The following NDST3 variants were observed in gnomAD, a reference collection of about 807,000 sequenced individuals.
NDST3 encodes the protein bifunctional heparan sulfate N-deacetylase/N-sulfotransferase 3.
In NDST3, 58 loss-of-function variants were observed where a neutral mutation model predicts 96.1. The ratio of observed to expected loss-of-function variants is 0.60; its 90% CI spans 0.49 to 0.75. NDST3 has a LOEUF of 0.75. Ranked by LOEUF, NDST3 falls within the 30% of genes least tolerant of loss-of-function variation. The pLI is 0.00. For synonymous variants in NDST3, 333 were observed against 359.7 expected (o/e 0.93, Z 0.84); for missense variants, 788 against 1,034.2 (o/e 0.76, Z 3.27).
At chr4:118,142,113 C>A in intron 5 of NDST3, among the ~76,000 whole-genome samples, 1 of 151,398 alleles carries the variant, frequency 6.6e-6, no homozygotes, top group African/African-American at 2.4e-5. Flanking sequence ...AATGCATTTG[C>A]ATTTAGTTGT....
At chr4:118,143,441 T>G in intron 5 of NDST3, 115 bp from the exon 6 acceptor site, 1 of 1,079,432 alleles carries the variant, frequency 9.3e-7, no homozygotes. Context: ...AGGCCCTGGT[T>G]AGACCTGAAT....
intron 4 of NDST3, among the ~76,000 whole-genome samples, chr4:118,115,308 AC>A (rs1327206527): frequency 1.3e-5 from 2 of 152,222 alleles, no homozygotes; most frequent in African/African-American, 4.8e-5. Context: ...AAAATGAAAT[AC>A]TTTTTCAAGA....
chr4:118,242,780 G>C (rs959281789), intron 12 of NDST3, among the ~76,000 whole-genome samples: 1 of 151,746 alleles, frequency 6.6e-6, no homozygotes, highest in African/African-American at 2.4e-5. Flanking sequence ...GATTTTCTTA[G>C]GTAACTGACT....
intron 1 of NDST3, among the ~76,000 whole-genome samples, chr4:118,037,934 T>C (rs1724239593): frequency 6.6e-6 from 1 of 152,190 alleles, no homozygotes; most frequent in Non-Finnish European, 1.5e-5. Flanking sequence ...ATTATTCGTT[T>C]CTACTCTTTT....
chr4:118,085,695 T>G (rs1728362954), intron 2 of NDST3, among the ~76,000 whole-genome samples: 1 of 152,152 alleles, frequency 6.6e-6, no homozygotes, highest in Non-Finnish European at 1.5e-5. Context: ...GGTTAGGTAG[T>G]GGCTTGTTGT....
intron 2 of NDST3, among the ~76,000 whole-genome samples, chr4:118,103,644 C>G (rs954802942): frequency 6.6e-6 from 1 of 152,130 alleles, no homozygotes; most frequent in African/African-American, 2.4e-5. Flanking sequence ...CCTCCTCCCC[C>G]ATCCAAACCG....
At chr4:118,118,673 T>C (rs567953218) in intron 4 of NDST3, among the ~76,000 whole-genome samples, 4 of 152,162 alleles carry the variant, frequency 2.6e-5, no homozygotes, top group East Asian at 1.9e-4. Context: ...GCTTTAGAGG[T>C]TGAATGGAAA....
At chr4:118,051,956 C>T (rs1560608284) in intron 1 of NDST3, among the ~76,000 whole-genome samples, 1 of 152,014 alleles carries the variant, frequency 6.6e-6, no homozygotes. Flanking sequence ...CAAATTCAGC[C>T]GCTATGGAAA....
chr4:118,237,836 T>G lies in NDST3; in HGVS notation c.2118+616T>G, dbSNP rs1217194053. On this transcript the variant is annotated intron_variant, in intron 10 of 13. Coordinates refer to ENST00000296499, the MANE Select transcript of NDST3 (RefSeq NM_004784.3). ...TATATAAGAATCTTTAGGCTGGGCG[T>G]GGTGGCTCATGCCTGTAATCCAAGC... is the stretch of plus-strand genomic sequence containing the variant. Among the ~76,000 whole-genome samples the G allele has an allele frequency of 1.3e-5, 2 of 152,056 alleles. 1 individual carries two copies. The highest frequency in any genetic ancestry group is 4.8e-5 in the African/African-American group (2 of 41,388).
At chr4:118,098,046 T>TG (rs1371148997) in intron 2 of NDST3, among the ~76,000 whole-genome samples, 1 of 88,718 alleles carries the variant, frequency 1.1e-5, no homozygotes, top group Non-Finnish European at 3.4e-5. Flanking sequence ...TTAATTACTG[T>TG]GGTTTTTTTT....
chr4:118,109,366 T>G (rs1344776589), intron 3 of NDST3, among the ~76,000 whole-genome samples: 1 of 152,136 alleles, frequency 6.6e-6, no homozygotes, highest in Admixed American at 6.6e-5. Flanking sequence ...AGCCCAGATA[T>G]GCTCAAGAAA....
intron 4 of NDST3, among the ~76,000 whole-genome samples, chr4:118,132,814 A>G (rs114469834): frequency 0.025 from 3,808 of 152,170 alleles, 54 homozygotes; most frequent in Non-Finnish European, 0.031. Context: ...CTTCAAGACA[A>G]TGGGTTCCCT....
At chr4:118,244,982 G>A (rs1239107913) in intron 12 of NDST3, among the ~76,000 whole-genome samples, 2 of 152,044 alleles carry the variant, frequency 1.3e-5, no homozygotes, top group Admixed American at 6.6e-5. Flanking sequence ...ATTCAATCAA[G>A]TAAATTATAA....
chr4:118,113,174 G>A (rs1403101599), intron 3 of NDST3, among the ~76,000 whole-genome samples: 1 of 152,050 alleles, frequency 6.6e-6, no homozygotes, highest in African/African-American at 2.4e-5. Context: ...CATGAATACA[G>A]ACATTAAAGA....
chr4:118,202,981 T>A (rs902735251), intron 6 of NDST3, among the ~76,000 whole-genome samples: 1 of 152,198 alleles, frequency 6.6e-6, no homozygotes, highest in African/African-American at 2.4e-5. Context: ...TTTTGAAGTA[T>A]GTTCCTTCAT....
intron 7 of NDST3, 138 bp from the exon 8 acceptor site, chr4:118,226,748 C>T (rs1473421399): frequency 4.9e-6 from 3 of 613,768 alleles, no homozygotes; most frequent in African/African-American, 1.9e-5. Flanking sequence ...CACTTCAGGG[C>T]TTTCATTTTT....
intron 9 of NDST3, among the ~76,000 whole-genome samples, chr4:118,233,854 T>C (rs1164823062): frequency 1.3e-5 from 2 of 152,214 alleles, no homozygotes; most frequent in Non-Finnish European, 2.9e-5. Flanking sequence ...TTCTGCAGCA[T>C]AAATATATTT....
chr4:118,062,789 A>G (rs1726001491), intron 2 of NDST3, among the ~76,000 whole-genome samples: 1 of 152,176 alleles, frequency 6.6e-6, no homozygotes, highest in Non-Finnish European at 1.5e-5. Flanking sequence ...TTGTTATGCA[A>G]TGACGTTCTA....
intron 2 of NDST3, among the ~76,000 whole-genome samples, chr4:118,100,675 G>A (rs1016133114): frequency 1.3e-5 from 2 of 152,084 alleles, no homozygotes; most frequent in African/African-American, 4.8e-5. Flanking sequence ...GGTTCATGTT[G>A]TATTCTTGTT....
Sources: allele counts gnomAD v4.1 joint callset (sites outside exome capture counted in the v4.1 genomes callset), GRCh38; gene constraint gnomAD v4.1.1; transcripts MANE v1.5; gene names NCBI Gene and HGNC (gene_info 2026-07-23, HGNC 2026-07-21).